The following RFWD3 variants were observed in gnomAD, a reference collection of about 807,000 sequenced individuals.
RFWD3 encodes the protein E3 ubiquitin-protein ligase RFWD3.
In RFWD3, 65 loss-of-function variants were observed where a neutral mutation model predicts 87.7. The ratio of observed to expected loss-of-function variants is 0.74; its 90% CI spans 0.61 to 0.91. RFWD3 has a LOEUF of 0.91. Ranked by LOEUF, RFWD3 falls within the 40% of genes least tolerant of loss-of-function variation. RFWD3 has a pLI of 0.00. For synonymous variants in RFWD3, 433 were observed against 352.8 expected, an observed-to-expected ratio of 1.23 and a Z score of -2.55; for missense variants, 1,078 against 938.5, an observed-to-expected ratio of 1.15 and a Z score of -1.94.
chr16:74,644,822 GC>G (rs200915943), intron 4 of RFWD3, 87 bp from the exon 5 acceptor site: 2 of 1,270,008 alleles, frequency 1.6e-6, no homozygotes, highest in Admixed American at 2.4e-5. Flanking sequence ...TAACAGAAGT[GC>G]AAAAAAAATG....
chr16:74,664,967 G>A (rs533747293), intron 1 of RFWD3, among the ~76,000 whole-genome samples: 1 of 152,268 alleles, frequency 6.6e-6, no homozygotes, highest in African/African-American at 2.4e-5. Context: ...AGAGACCATG[G>A]GCTGGGCACC....
At chr16:74,641,928 CAAAAAAAAAAAAA>C (rs71158533) in intron 6 of RFWD3, among the ~76,000 whole-genome samples, 8 of 52,488 alleles carry the variant, frequency 1.5e-4, no homozygotes, top group East Asian at 1.5e-3. Context: ...ACTCCGTCTC[CAAAAAAAAAAAAA>C]AAAAAAAAAA....
intron 6 of RFWD3, among the ~76,000 whole-genome samples, chr16:74,642,232 C>T (rs1456241554): frequency 1.3e-5 from 2 of 151,874 alleles, no homozygotes; most frequent in Non-Finnish European, 2.9e-5. Flanking sequence ...AAGCGATTCT[C>T]GTGCCTCAGC....
At chr16:74,624,657 A>G (rs1415505044) in intron 12 of RFWD3, among the ~76,000 whole-genome samples, 2 of 152,170 alleles carry the variant, frequency 1.3e-5, no homozygotes, top group Non-Finnish European at 2.9e-5. Context: ...TTGGCCTCCC[A>G]AAGTGCTGGG....
intron 2 of RFWD3, among the ~76,000 whole-genome samples, chr16:74,658,496 T>A (rs1004310016): frequency 6.6e-6 from 1 of 152,192 alleles, no homozygotes; most frequent in Non-Finnish European, 1.5e-5. Context: ...GTCTGTCAGA[T>A]GAGTAAATGT....
intron 8 of RFWD3, among the ~76,000 whole-genome samples, chr16:74,635,676 TATTAAAA>T (rs1435554172): frequency 3.3e-5 from 5 of 152,240 alleles, no homozygotes; most frequent in Non-Finnish European, 7.3e-5. Context: ...TAAATCTTTT[TATTAAAA>T]ACTTAGATGG....
intron 10 of RFWD3, among the ~76,000 whole-genome samples, chr16:74,628,878 C>T (rs1157582619): frequency 6.6e-6 from 1 of 151,930 alleles, no homozygotes; most frequent in African/African-American, 2.4e-5. Context: ...AGGTGAGATA[C>T]CAGATGCTCT....
chr16:74,662,172 A>G (rs1235004783), intron 1 of RFWD3, among the ~76,000 whole-genome samples: 1 of 152,136 alleles, frequency 6.6e-6, no homozygotes, highest in Non-Finnish European at 1.5e-5. Context: ...ATATAGATGA[A>G]GGCTTCCTAT....
chr16:74,629,994 G>C (rs1597411393), intron 10 of RFWD3, among the ~76,000 whole-genome samples: 3 of 152,158 alleles, frequency 2.0e-5, no homozygotes, highest in Admixed American at 2.0e-4. Flanking sequence ...ATAATAATAT[G>C]GTATCTTCAA....
chr16:74,659,643 A>G (rs1475762949), intron 2 of RFWD3, among the ~76,000 whole-genome samples: 1 of 151,864 alleles, frequency 6.6e-6, no homozygotes, highest in African/African-American at 2.4e-5. Flanking sequence ...AACTCTTGTC[A>G]ACACAGAACT....
chr16:74,638,039 G>C, intron 6 of RFWD3, 69 bp from the exon 7 acceptor site: 1 of 990,340 alleles, frequency 1.0e-6, no homozygotes, highest in Non-Finnish European at 1.6e-6. Flanking sequence ...CCAGGTGGCA[G>C]AGTTAAGTTC....
At chr16:74,640,955 A>G (rs7196362) in intron 6 of RFWD3, among the ~76,000 whole-genome samples, 136,888 of 152,018 alleles carry the variant, frequency 0.9, 61,782 homozygotes, top group East Asian at 0.99. Flanking sequence ...AATAAAATTC[A>G]CAAAGGTATG....
chr16:74,655,622 C>T (rs997554940), intron 2 of RFWD3, among the ~76,000 whole-genome samples: 2 of 116,250 alleles, frequency 1.7e-5, no homozygotes, highest in African/African-American at 5.6e-5. Context: ...TGTCTGTGCT[C>T]TCTCTCTTTT....
At chr16:74,625,403 A>T (rs1331398322) in intron 12 of RFWD3, among the ~76,000 whole-genome samples, 1 of 151,420 alleles carries the variant, frequency 6.6e-6, no homozygotes, top group African/African-American at 2.4e-5. Flanking sequence ...GCACCCAGCT[A>T]CTTGGGAAGC....
intron 11 of RFWD3, among the ~76,000 whole-genome samples, chr16:74,628,193 T>C (rs998536751): frequency 1.6e-4 from 25 of 152,166 alleles, no homozygotes; most frequent in Admixed American, 3.9e-4. Flanking sequence ...TTCTAAACTG[T>C]AGGGGCTCCT....
Position 74,628,453 on chromosome 16 carries a change from A to G in RFWD3, c.1968T>C (p.Pro656=), listed in dbSNP as rs1294963127. ...SSRHCLVTYR[P]DKNHTTIRSV... ...ATGGGAGACCCCAGCACTACTTACC[A>G]GGCCTGTAGGTCACAAGACAGTGCC... Residue 656 remains proline (P), a splice_region_variant and synonymous_variant, in exon 11 of 13, where the codon CCT becomes CCC. Coordinates refer to ENST00000361070, the MANE Select transcript of RFWD3 (RefSeq NM_018124.4). 3 of 1,613,752 alleles carry G rather than the reference A, an allele frequency of 1.9e-6. No homozygotes were observed. The highest frequency in any genetic ancestry group is 4.5e-5 in the East Asian group (2 of 44,894).
intron 1 of RFWD3, among the ~76,000 whole-genome samples, chr16:74,663,440 C>T (rs1230195817): frequency 3.3e-5 from 5 of 152,140 alleles, no homozygotes; most frequent in South Asian, 2.1e-4. Flanking sequence ...GAAGAACGGC[C>T]GCTAGATTTG....
intron 2 of RFWD3, chr16:74,660,630 T>A: frequency 3.7e-6 from 1 of 268,052 alleles, no homozygotes; most frequent in Non-Finnish European, 7.1e-6. Context: ...TGAATTTGGG[T>A]GAGTAGAGAC....
Position 74,630,765 on chromosome 16 carries a change from G to C in RFWD3, c.1754+16C>G, listed in dbSNP as rs754709507. On this transcript the variant is annotated intron_variant, in intron 10 of 12. Transcript: ENST00000361070. Reference sequence around the variant, plus strand: ...GAAAGCTGCTACCACCAGGAAAAGAGTGAGTGGCTCCCTACCTGGCTTTCT... The same window carrying C: ...GAAAGCTGCTACCACCAGGAAAAGACTGAGTGGCTCCCTACCTGGCTTTCT... 1 of 1,577,674 alleles carries C rather than the reference G, an allele frequency of 6.3e-7. No individual in the cohort carries two copies. Among genetic ancestry groups the C allele is most frequent in the African/African-American group, 1.4e-5 (1 of 72,712 alleles).
Sources: gnomAD v4.1 joint callset for allele counts (sites outside exome capture counted in the v4.1 genomes callset) on GRCh38, gnomAD v4.1.1 for gene constraint, MANE v1.5 for transcripts, NCBI Gene and HGNC (gene_info 2026-07-23, HGNC 2026-07-21) for gene names.